The following RAD51B variants were observed in gnomAD, a reference collection of about 807,000 sequenced individuals.
RAD51B encodes RAD51 paralog B.
In RAD51B, 38 loss-of-function variants were observed where a neutral mutation model predicts 42.2. The ratio of observed to expected loss-of-function variants is 0.90; its 90% CI spans 0.70 to 1.18. The LOEUF is 1.18. Ranked by LOEUF, RAD51B falls within the 50% of genes most tolerant of loss-of-function variation. The pLI is 0.00. For missense variants in RAD51B, 373 were observed against 400.7 expected (o/e 0.93, Z 0.59); for synonymous variants, 154 against 145.2 (o/e 1.06, Z -0.43).
chr14:67,864,924 T>G, intron 4 of RAD51B, 79 bp from the exon 5 acceptor site: 1 of 1,414,890 alleles, frequency 7.1e-7, no homozygotes. Flanking sequence ...CTTAAAAGGA[T>G]TTTGCTTTGA....
intron 7 of RAD51B, among the ~76,000 whole-genome samples, chr14:67,902,983 G>A (rs1441705954): frequency 3.9e-5 from 6 of 151,910 alleles, no homozygotes; most frequent in Non-Finnish European, 7.4e-5. Context: ...CTGAGTAGCT[G>A]GGATTACAGG....
intron 8 of RAD51B, among the ~76,000 whole-genome samples, chr14:68,333,883 T>C (rs4902567): frequency 0.86 from 130,369 of 152,094 alleles, 56,355 homozygotes; most frequent in East Asian, 0.99. Context: ...TTTATTCCTC[T>C]TGTCTCATTG....
At chr14:68,431,386 T>G (rs1594827357) in intron 9 of RAD51B, among the ~76,000 whole-genome samples, 1 of 152,310 alleles carries the variant, frequency 6.6e-6, no homozygotes, top group East Asian at 1.9e-4. Context: ...GGTCCTGGAC[T>G]TTTTTTGGTT....
intron 8 of RAD51B, among the ~76,000 whole-genome samples, chr14:68,376,245 C>T (rs1342814015): frequency 6.6e-6 from 1 of 152,128 alleles, no homozygotes; most frequent in Non-Finnish European, 1.5e-5. Flanking sequence ...TCCTGACTTC[C>T]CATTTGTATC....
At chr14:68,216,844 G>A (rs1055331787) in intron 7 of RAD51B, among the ~76,000 whole-genome samples, 2 of 152,094 alleles carry the variant, frequency 1.3e-5, no homozygotes, top group Non-Finnish European at 2.9e-5. Flanking sequence ...GAGGAGCCTG[G>A]ACAGTAATCC....
At chr14:68,394,310 C>T (rs1401351668) in intron 8 of RAD51B, among the ~76,000 whole-genome samples, 1 of 152,218 alleles carries the variant, frequency 6.6e-6, no homozygotes, top group Admixed American at 6.5e-5. Flanking sequence ...ACGGGCTCGC[C>T]AGCTGGCCAG....
intron 7 of RAD51B, among the ~76,000 whole-genome samples, chr14:68,243,101 G>C (rs1247664479): frequency 6.6e-6 from 1 of 152,126 alleles, no homozygotes; most frequent in Non-Finnish European, 1.5e-5. Context: ...TTATTAAGAT[G>C]TGCTCTCCGG....
chr14:67,991,159 A>G (rs981860319), intron 7 of RAD51B, among the ~76,000 whole-genome samples: 1 of 152,176 alleles, frequency 6.6e-6, no homozygotes. Context: ...CCTGGGCAGG[A>G]TCCCTAGAGA....
At chr14:68,469,139 G>C (rs1251421902) in intron 10 of RAD51B, 2 of 509,640 alleles carry the variant, frequency 3.9e-6, no homozygotes, top group Non-Finnish European at 7.9e-6. Flanking sequence ...TATCTGGCCT[G>C]ACCCTAGAGG....
At chr14:68,613,630 A>ATT (rs1242838170), downstream of RAD51B, among the ~76,000 whole-genome samples, 1 of 151,488 alleles carries the variant, frequency 6.6e-6, no homozygotes, top group Non-Finnish European at 1.5e-5. Context: ...GTTTTTTTGT[A>ATT]TTTTTAGTAG....
chr14:68,420,455 T>G (rs1217436329), intron 9 of RAD51B, among the ~76,000 whole-genome samples: 1 of 152,142 alleles, frequency 6.6e-6, no homozygotes, highest in Non-Finnish European at 1.5e-5. Context: ...TATTATATGC[T>G]AAACAAGAAG....
chr14:67,833,591 G>A (rs1337832987), intron 3 of RAD51B, among the ~76,000 whole-genome samples: 2 of 152,190 alleles, frequency 1.3e-5, no homozygotes, highest in Non-Finnish European at 2.9e-5. Flanking sequence ...TGTCTACAGT[G>A]TGTATACACT....
At chr14:68,497,286 T>G in intron 10 of RAD51B, 1 of 1,289,060 alleles carries the variant, frequency 7.8e-7, no homozygotes, top group Non-Finnish European at 1.0e-6. Context: ...AGACTCAGCT[T>G]AAGTCATGGA....
At chr14:68,494,279 CAAAAAA>C (rs3074525) in intron 10 of RAD51B, among the ~76,000 whole-genome samples, 1 of 123,070 alleles carries the variant, frequency 8.1e-6, no homozygotes, top group African/African-American at 2.8e-5. Flanking sequence ...GATTCCGTCT[CAAAAAA>C]AAAAAAAAAA....
rs1053090210 is a variant in RAD51B at position 68,575,661 on chromosome 14, C to T, written c.1037-18824C>T. ...GAGGAAGGCTCAGCAACTCCCAGGG[C>T]CCCTGACCTGTTCATTCTAGAAGCT... On this transcript the variant is annotated intron_variant, in intron 10 of 10. Coordinates refer to the RAD51B transcript ENST00000487270. Among the ~76,000 whole-genome samples the T allele has an allele frequency of 3.3e-5, 5 of 152,212 alleles. No individual in the cohort carries two copies. In the South Asian group the frequency reaches 8.3e-4, roughly 25 times the overall value.
intron 10 of RAD51B, among the ~76,000 whole-genome samples, chr14:68,577,640 A>C (rs372000683): frequency 6.6e-6 from 1 of 152,074 alleles, no homozygotes; most frequent in African/African-American, 2.4e-5. Context: ...TCTGGACCTC[A>C]TGATCCGCCT....
intron 7 of RAD51B, among the ~76,000 whole-genome samples, chr14:68,217,229 T>G (rs2079834177): frequency 6.6e-6 from 1 of 152,198 alleles, no homozygotes; most frequent in African/African-American, 2.4e-5. Context: ...GTGTCCTCTT[T>G]CTTGTTCCCC....
chr14:68,469,498 T>C (rs2086069174), intron 10 of RAD51B, among the ~76,000 whole-genome samples: 2 of 152,276 alleles, frequency 1.3e-5, no homozygotes, highest in East Asian at 1.9e-4. Flanking sequence ...CTTTGACTTA[T>C]GCTATCCAAG....
At chr14:67,988,812 C>T (rs542327851) in intron 7 of RAD51B, among the ~76,000 whole-genome samples, 46 of 152,214 alleles carry the variant, frequency 3.0e-4, no homozygotes, top group African/African-American at 1.1e-3. Context: ...TATGTGATGA[C>T]ATTTGATTAC....
Sources: gnomAD v4.1 joint callset for allele counts (sites outside exome capture counted in the v4.1 genomes callset) on GRCh38, gnomAD v4.1.1 for gene constraint, MANE v1.5 for transcripts, NCBI Gene and HGNC (gene_info 2026-07-23, HGNC 2026-07-21) for gene names.